NWD1: variants seen among roughly 807,000 people sequenced by gnomAD.
NWD1 encodes NACHT domain- and WD repeat-containing protein 1.
A neutral mutation model predicts 135.1 loss-of-function variants in NWD1; 129 were observed. The observed-to-expected ratio is 0.96, with a 90% CI of 0.83 to 1.11. NWD1 has a LOEUF of 1.11. Ranked by LOEUF, NWD1 falls within the 50% of genes least tolerant of loss-of-function variation. The pLI, the probability that NWD1 is intolerant of heterozygous loss-of-function variation, is 0.00. For missense variants in NWD1, 1,740 were observed against 1,851.3 expected (o/e 0.94, Z 1.10); for synonymous variants, 773 against 786.0 (o/e 0.98, Z 0.28).
chr19:16,762,636 G>T (rs1158133960), intron 8 of NWD1, among the ~76,000 whole-genome samples: 1 of 152,184 alleles, frequency 6.6e-6, no homozygotes, highest in East Asian at 1.9e-4. Flanking sequence ...GTTGTATAAT[G>T]ATTGCAACTA....
intron 1 of NWD1, among the ~76,000 whole-genome samples, chr19:16,721,051 T>C (rs751161561): frequency 4.6e-5 from 7 of 152,140 alleles, no homozygotes; most frequent in Non-Finnish European, 8.8e-5. Context: ...GGTTTCGCCA[T>C]GTTGGCCAGG....
chr19:16,765,468 G>A (rs1053133226), intron 10 of NWD1, among the ~76,000 whole-genome samples: 5 of 152,052 alleles, frequency 3.3e-5, no homozygotes, highest in Admixed American at 3.3e-4. Flanking sequence ...TGAGTAGCTA[G>A]GACCACAGGT....
chr19:16,761,350 C>CTGTT (rs60597477), intron 7 of NWD1, among the ~76,000 whole-genome samples: 6 of 144,092 alleles, frequency 4.2e-5, no homozygotes, highest in African/African-American at 1.8e-4. Context: ...CCCTTTCTTT[C>CTGTT]TCTTTCTTTC....
Position 16,808,016 on chromosome 19 carries a change from C to T in NWD1, c.4167C>T (p.Ser1389=). The T allele has an allele frequency of 6.8e-6, 11 of 1,614,096 alleles. No homozygotes were observed. The highest frequency in any genetic ancestry group is 9.3e-6 in the Non-Finnish European group (11 of 1,179,980). The change falls in exon 18 of 19, where the codon AGC becomes AGT. Residue 1389 remains serine, a synonymous_variant. Coordinates refer to ENST00000524140, the MANE Select transcript of NWD1 (RefSeq NM_001007525.5). ...SKAFPLETHR[S]RVACVEVSHK... ...CGTTTCCCTTGGAGACCCACAGGAG[C>T]CGAGTTGCCTGTGTGGAGGTCAGCC...
At chr19:16,784,849 A>C (rs1969983528) in intron 12 of NWD1, among the ~76,000 whole-genome samples, 1 of 151,806 alleles carries the variant, frequency 6.6e-6, no homozygotes, top group African/African-American at 2.4e-5. Flanking sequence ...GAATCACTTG[A>C]ACCCGGGGGG....
chr19:16,723,205 T>G (rs938880923), intron 1 of NWD1, among the ~76,000 whole-genome samples: 4 of 152,028 alleles, frequency 2.6e-5, no homozygotes, highest in Non-Finnish European at 4.4e-5. Context: ...AGCTGATTTT[T>G]TTGCTGTTGT....
intron 18 of NWD1, among the ~76,000 whole-genome samples, chr19:16,813,296 T>C (rs1020197615): frequency 2.6e-5 from 4 of 152,130 alleles, no homozygotes; most frequent in African/African-American, 9.7e-5. Context: ...AGCCCAAGAA[T>C]TCTCAATCTG....
In NWD1 at chr19:16,808,018, G is replaced by A. The variant is rs752190172; in HGVS notation, c.4169G>A (p.Arg1390Gln). ...TTTCCCTTGGAGACCCACAGGAGCC[G>A]AGTTGCCTGTGTGGAGGTCAGCCAC... ...KAFPLETHRS[R>Q]VACVEVSHKE... The change falls in exon 18 of 19, where the codon CGA (arginine) becomes CAA (glutamine). Residue 1390 changes from arginine (R) to glutamine (Q), a missense_variant. By Grantham distance (43) the Arg-to-Gln change is conservative (BLOSUM62 1). Transcript: ENST00000524140. The A allele has an allele frequency of 1.4e-5, 23 of 1,613,992 alleles. No homozygotes were observed. Among genetic ancestry groups the A allele is most frequent in the Middle Eastern group, 3.3e-4 (2 of 6,084 alleles).
At chr19:16,814,030 T>C (rs773892) in intron 18 of NWD1, among the ~76,000 whole-genome samples, 3,912 of 151,876 alleles carry the variant, frequency 0.026, 176 homozygotes, top group African/African-American at 0.088. Context: ...TGGTGGTACA[T>C]GCTTGTAGTC....
chr19:16,759,559 T>C (rs1473510276), intron 7 of NWD1, 131 bp downstream of exon 7: 1 of 677,858 alleles, frequency 1.5e-6, no homozygotes, highest in East Asian at 2.7e-5. Context: ...CAGTTAGAAC[T>C]CTGACACAAT....
chr19:16,744,895 C>T (rs1968241927), intron 5 of NWD1, 177 bp downstream of exon 5: 4 of 663,278 alleles, frequency 6.0e-6, no homozygotes, highest in Non-Finnish European at 1.1e-5. Context: ...ATAGTTCAGC[C>T]ATGTTCCTGA....
At chr19:16,738,165 G>T in intron 4 of NWD1, 2 of 440,628 alleles carry the variant, frequency 4.5e-6, no homozygotes, top group Non-Finnish European at 9.1e-6. Context: ...GAGTTTAGTC[G>T]TTCTGACAGA....
intron 10 of NWD1, among the ~76,000 whole-genome samples, chr19:16,772,086 C>T (rs536079638): frequency 2.6e-5 from 4 of 152,258 alleles, no homozygotes; most frequent in African/African-American, 9.6e-5. Flanking sequence ...AAGGTTGAGT[C>T]TGAGCACAGT....
chr19:16,808,915 C>G (rs1005218356), intron 18 of NWD1, among the ~76,000 whole-genome samples: 2 of 151,998 alleles, frequency 1.3e-5, no homozygotes, highest in Non-Finnish European at 2.9e-5. Context: ...GAGACCTTAT[C>G]TCTACAAACA....
At chr19:16,793,852 C>T (rs886279292) in intron 14 of NWD1, among the ~76,000 whole-genome samples, 2 of 152,000 alleles carry the variant, frequency 1.3e-5, no homozygotes, top group Non-Finnish European at 2.9e-5. Flanking sequence ...GCTGGGATTA[C>T]AAGCATGAGC....
chr19:16,794,616 G>A, intron 15 of NWD1, 63 bp downstream of exon 15: 1 of 1,160,006 alleles, frequency 8.6e-7, no homozygotes, highest in Non-Finnish European at 1.3e-6. Flanking sequence ...GGAGAAGGGG[G>A]TGGGGCTTGG....
chr19:16,812,519 A>C (rs749984963), intron 18 of NWD1, among the ~76,000 whole-genome samples: 1 of 151,726 alleles, frequency 6.6e-6, no homozygotes, highest in Non-Finnish European at 1.5e-5. Context: ...AAATACAAAA[A>C]TTAGCCAGGC....
chr19:16,771,398 C>T (rs1969406540), intron 10 of NWD1, among the ~76,000 whole-genome samples: 1 of 152,090 alleles, frequency 6.6e-6, no homozygotes, highest in African/African-American at 2.4e-5. Flanking sequence ...TGCGGTGAGC[C>T]GAGATCACGC....
At chr19:16,766,616 C>T (rs140656017) in intron 10 of NWD1, among the ~76,000 whole-genome samples, 26 of 151,662 alleles carry the variant, frequency 1.7e-4, no homozygotes, top group Middle Eastern at 3.4e-3. Flanking sequence ...GACAGGATCT[C>T]GCTTCATTAC....
Sources: allele counts gnomAD v4.1 joint callset (sites outside exome capture counted in the v4.1 genomes callset), GRCh38; gene constraint gnomAD v4.1.1; transcripts MANE v1.5; gene names NCBI Gene and HGNC (gene_info 2026-07-23, HGNC 2026-07-21).